ROBO2: variants seen among roughly 807,000 people sequenced by gnomAD.
ROBO2 encodes the protein roundabout guidance receptor 2, also known as roundabout homolog 2.
Under a neutral mutation model 160.8 loss-of-function variants are expected in ROBO2, and 53 were observed. The ratio of observed to expected loss-of-function variants is 0.33; its 90% CI spans 0.26 to 0.41. ROBO2 has a LOEUF of 0.41. ROBO2 is among the 10% of genes least tolerant of loss of function. ROBO2 has a pLI of 1.00. For missense variants in ROBO2, 1,577 were observed against 1,722.4 expected (o/e 0.92, Z 1.49); for synonymous variants, 664 against 611.7 (o/e 1.09, Z -1.26).
At chr3:76,417,373 T>C (rs1050932051) in intron 2 of ROBO2, among the ~76,000 whole-genome samples, 2 of 152,214 alleles carry the variant, frequency 1.3e-5, no homozygotes, top group Non-Finnish European at 2.9e-5. Flanking sequence ...TATCATTCTT[T>C]TACTGCCTAG....
intron 2 of ROBO2, among the ~76,000 whole-genome samples, chr3:76,518,187 C>T (rs2081430699): frequency 6.6e-6 from 1 of 152,090 alleles, no homozygotes; most frequent in Admixed American, 6.5e-5. Context: ...TTTGAGAAGG[C>T]AGTCCACAAG....
At chr3:76,878,203 A>G (rs1451849979) in intron 2 of ROBO2, among the ~76,000 whole-genome samples, 1 of 152,230 alleles carries the variant, frequency 6.6e-6, no homozygotes, top group South Asian at 2.1e-4. Context: ...AAAACCTTAT[A>G]AAAATGGATA....
chr3:76,132,729 C>T (rs1295256095), intron 2 of ROBO2, among the ~76,000 whole-genome samples: 1 of 152,106 alleles, frequency 6.6e-6, no homozygotes, highest in Non-Finnish European at 1.5e-5. Flanking sequence ...AATGTCAGTT[C>T]TCTTATGTGA....
intron 2 of ROBO2, among the ~76,000 whole-genome samples, chr3:77,271,912 T>G (rs576682942): frequency 2.2e-4 from 34 of 152,312 alleles, no homozygotes; most frequent in African/African-American, 7.5e-4. Flanking sequence ...TTAGCGTGCT[T>G]CTTTGAGTGG....
At position 76,414,151 on chromosome 3, in the gene ROBO2, C is replaced by G. The variant is rs185856388; in HGVS notation, c.109+476549C>G. Reference sequence around the variant, plus strand: ...ACAGCCCCCATGATTCAATTACCTCCCCCTGGTCCCTCTCACAACATGGGG... The same window carrying G: ...ACAGCCCCCATGATTCAATTACCTCGCCCTGGTCCCTCTCACAACATGGGG... On this transcript the variant is annotated intron_variant, in intron 2 of 26. Transcript: ENST00000487694. 1.5e-4 allele frequency among the ~76,000 whole-genome samples: 22 copies of G among 149,622 alleles called. No homozygotes were observed. In the East Asian group the frequency reaches 4.3e-3, roughly 29 times the overall value.
chr3:76,628,406 A>T (rs1042938300), intron 2 of ROBO2, among the ~76,000 whole-genome samples: 1 of 149,334 alleles, frequency 6.7e-6, no homozygotes, highest in Non-Finnish European at 1.5e-5. Flanking sequence ...CTGGGACTAC[A>T]GTCACTCGCT....
At chr3:77,564,141 T>C (rs1037953497) in intron 11 of ROBO2, among the ~76,000 whole-genome samples, 3 of 152,152 alleles carry the variant, frequency 2.0e-5, no homozygotes, top group African/African-American at 4.8e-5. Context: ...GGTACTTAAT[T>C]TTCAAATTTC....
chr3:76,732,531 T>G lies in ROBO2; in HGVS notation c.110-365483T>G, dbSNP rs922944530. 2.8e-4 allele frequency among the ~76,000 whole-genome samples: 43 copies of G among 152,166 alleles called. 1 individual carries two copies. Among genetic ancestry groups the G allele is most frequent in the African/African-American group, 9.9e-4 (41 of 41,446 alleles). On this transcript the variant is annotated intron_variant, in intron 2 of 26. Coordinates refer to the ROBO2 transcript ENST00000487694. ...GGCTGGGAAATTTATCAATTCTTGA[T>G]GAACCTGCTCTCCTCCAGTTGATTT...
Position 76,091,499 on chromosome 3 carries a change from G to A in ROBO2, c.109+153897G>A, listed in dbSNP as rs76491015. Among the ~76,000 whole-genome samples, 897 of 152,216 alleles carry A rather than the reference G, an allele frequency of 5.9e-3. 2 individuals are homozygous for A. Among genetic ancestry groups the A allele is most frequent in the African/African-American group, 0.02 (830 of 41,530 alleles). On this transcript the variant is annotated intron_variant, in intron 2 of 26. Transcript: ENST00000487694. ...CTGGGGGCTACAAAGTGGTACAGCC[G>A]CTTTGGAAGACCGTTTTGCACTTTC... is the stretch of plus-strand genomic sequence containing the variant.
chr3:76,443,308 T>C (rs2077014353), intron 2 of ROBO2, among the ~76,000 whole-genome samples: 1 of 152,068 alleles, frequency 6.6e-6, no homozygotes, highest in Non-Finnish European at 1.5e-5. Context: ...ACATGAAATT[T>C]GGAGGGGGCG....
At chr3:76,899,401 T>C (rs2075060707) in intron 2 of ROBO2, among the ~76,000 whole-genome samples, 1 of 152,102 alleles carries the variant, frequency 6.6e-6, no homozygotes, top group African/African-American at 2.4e-5. Flanking sequence ...AAAAATACCA[T>C]TGGATTTAAA....
At chr3:76,770,083 G>T (rs2061796387) in intron 2 of ROBO2, among the ~76,000 whole-genome samples, 1 of 151,330 alleles carries the variant, frequency 6.6e-6, no homozygotes, top group South Asian at 2.1e-4. Flanking sequence ...GTATAGCAGG[G>T]TCTTTTTAAA....
At chr3:77,373,076 A>C (rs2072022246) in intron 2 of ROBO2, among the ~76,000 whole-genome samples, 1 of 147,224 alleles carries the variant, frequency 6.8e-6, no homozygotes, top group African/African-American at 2.5e-5. Flanking sequence ...AAATAATTAA[A>C]ATTATTATAA....
chr3:75,966,313 A>G (rs1390152603), intron 2 of ROBO2, among the ~76,000 whole-genome samples: 2 of 151,704 alleles, frequency 1.3e-5, no homozygotes, highest in African/African-American at 4.8e-5. Context: ...TGAATGTGTC[A>G]TGAATTAATT....
chr3:76,936,787 T>G (rs1490042012), intron 2 of ROBO2, among the ~76,000 whole-genome samples: 1 of 130,264 alleles, frequency 7.7e-6, no homozygotes, highest in African/African-American at 3.0e-5. Context: ...TTTTGAGTCT[T>G]TAACTCAATT....
chr3:76,029,988 T>G (rs2107701997), intron 2 of ROBO2, among the ~76,000 whole-genome samples: 1 of 152,276 alleles, frequency 6.6e-6, no homozygotes, highest in African/African-American at 2.4e-5. Flanking sequence ...ACCAACAGTG[T>G]AAAAGTGTTC....
At chr3:76,127,414 G>A (rs2071031012) in intron 2 of ROBO2, among the ~76,000 whole-genome samples, 1 of 151,942 alleles carries the variant, frequency 6.6e-6, no homozygotes, top group Non-Finnish European at 1.5e-5. Context: ...TGGCATCACT[G>A]AAAGCAAATA....
intron 2 of ROBO2, among the ~76,000 whole-genome samples, chr3:76,290,752 A>C (rs1320147692): frequency 6.6e-6 from 1 of 152,024 alleles, no homozygotes; most frequent in Non-Finnish European, 1.5e-5. Flanking sequence ...TTTTATTGAA[A>C]GACTTTTCTG....
chr3:76,033,291 CAT>C (rs1381513409), intron 2 of ROBO2, among the ~76,000 whole-genome samples: 1 of 142,470 alleles, frequency 7.0e-6, no homozygotes, highest in African/African-American at 2.8e-5. Flanking sequence ...AGCTGTGACA[CAT>C]ACACACACAC....
Sources: gnomAD v4.1 joint callset for allele counts (sites outside exome capture counted in the v4.1 genomes callset) on GRCh38, gnomAD v4.1.1 for gene constraint, MANE v1.5 for transcripts, NCBI Gene and HGNC (gene_info 2026-07-23, HGNC 2026-07-21) for gene names.